TBC1D5: variants seen among roughly 807,000 people sequenced by gnomAD.
TBC1D5 encodes the protein TBC1 domain family member 5.
TBC1D5 carries 75 observed loss-of-function variants against 100.3 expected under a neutral mutation model. The ratio of observed to expected loss-of-function variants is 0.75; its 90% CI spans 0.62 to 0.91. The LOEUF (loss-of-function observed/expected upper bound fraction) is 0.91, where lower values mean the gene tolerates loss of function less well. Among genes scored for constraint, TBC1D5 ranks in the 40% least tolerant of loss-of-function variants. TBC1D5 has a pLI of 0.00. For synonymous variants in TBC1D5, 323 were observed against 325.6 expected (o/e 0.99, Z 0.09); for missense variants, 910 against 942.4 (o/e 0.97, Z 0.45).
chr3:17,159,354 A>C (rs909922060), exon 22 of TBC1D5: 5 of 152,186 alleles, frequency 3.3e-5, no homozygotes, highest in African/African-American at 1.2e-4. Context: ...TTGTCTATAG[A>C]GATATATAAG....
intron 1 of TBC1D5, among the ~76,000 whole-genome samples, chr3:17,708,367 G>C (rs2074384227): frequency 6.6e-6 from 1 of 152,102 alleles, no homozygotes; most frequent in Admixed American, 6.5e-5. Context: ...CCATTCCCCT[G>C]CTGATGGACA....
intron 15 of TBC1D5, among the ~76,000 whole-genome samples, chr3:17,277,983 G>T (rs2149824162): frequency 6.6e-6 from 1 of 152,242 alleles, no homozygotes; most frequent in East Asian, 1.9e-4. Context: ...TGTTTAAAAT[G>T]ACTTATTTTT....
chr3:17,705,714 A>G (rs1447562930), intron 1 of TBC1D5, among the ~76,000 whole-genome samples: 1 of 129,560 alleles, frequency 7.7e-6, no homozygotes, highest in Non-Finnish European at 1.6e-5. Flanking sequence ...GGCGCTCCTC[A>G]CTTCCTAGAT....
chr3:17,569,276 A>C (rs2153501232), intron 2 of TBC1D5, among the ~76,000 whole-genome samples: 1 of 151,930 alleles, frequency 6.6e-6, no homozygotes, highest in South Asian at 2.1e-4. Flanking sequence ...TCTAATATTA[A>C]ATCAGTCGAC....
At chr3:17,442,034 G>A (rs1007721132) in intron 3 of TBC1D5, among the ~76,000 whole-genome samples, 1 of 152,156 alleles carries the variant, frequency 6.6e-6, no homozygotes, top group Non-Finnish European at 1.5e-5. Context: ...GTAAATAACA[G>A]GAGGCATATT....
intron 3 of TBC1D5, among the ~76,000 whole-genome samples, chr3:17,462,321 A>ATTTTTTT (rs1188024653): frequency 7.0e-6 from 1 of 143,036 alleles, no homozygotes; most frequent in African/African-American, 2.8e-5. Context: ...TTCGGACCTT[A>ATTTTTTT]ATTTTTTTTT....
At position 17,341,481 on chromosome 3, in the gene TBC1D5, G is replaced by A. The variant is rs144549015; in HGVS notation, c.995+30594C>T. Among the ~76,000 whole-genome samples, 120 of 152,180 alleles carry A rather than the reference G, an allele frequency of 7.9e-4. 2 individuals are homozygous for A. The East Asian group carries it at 0.012, about 15-fold the overall frequency. ...AAAGTCCTGGGATTACAGGCGTGAG[G>A]TACCGCGCCTGGCCTAAAATCTGAA... On this transcript the variant is annotated intron_variant, in intron 13 of 21. Transcript: ENST00000253692.
At chr3:17,279,514 C>T (rs940267481) in intron 15 of TBC1D5, among the ~76,000 whole-genome samples, 27 of 152,150 alleles carry the variant, frequency 1.8e-4, no homozygotes, top group African/African-American at 6.5e-4. Context: ...ACTTAGTAAG[C>T]TTTACTCCTT....
At chr3:17,273,484 C>A (rs1201071989) in intron 15 of TBC1D5, among the ~76,000 whole-genome samples, 1 of 152,136 alleles carries the variant, frequency 6.6e-6, no homozygotes, top group Non-Finnish European at 1.5e-5. Flanking sequence ...ACCTGGATAT[C>A]CCATAACCTC....
chr3:17,720,631 G>A (rs2075620704), intron 1 of TBC1D5, among the ~76,000 whole-genome samples: 1 of 151,998 alleles, frequency 6.6e-6, no homozygotes, highest in Non-Finnish European at 1.5e-5. Context: ...AACATAGGGA[G>A]ACCCTGCCTC....
At chr3:17,372,290 T>C (rs1171284844) in intron 12 of TBC1D5, 43 bp from the exon 13 acceptor site, 15 of 1,495,396 alleles carry the variant, frequency 1.0e-5, no homozygotes, top group East Asian at 2.5e-5. Context: ...AAATATGAAA[T>C]TAATAAATAT....
intron 1 of TBC1D5, among the ~76,000 whole-genome samples, chr3:17,647,251 T>A (rs889632332): frequency 6.6e-6 from 1 of 152,110 alleles, no homozygotes; most frequent in African/African-American, 2.4e-5. Context: ...AGAAGCTAGA[T>A]AAACCACAGA....
intron 4 of TBC1D5, among the ~76,000 whole-genome samples, chr3:17,426,909 C>T (rs1209939027): frequency 2.0e-5 from 3 of 151,834 alleles, no homozygotes; most frequent in East Asian, 3.8e-4. Flanking sequence ...TATGTTTAAT[C>T]GTGTTTATAC....
At chr3:17,204,826 CTG>C (rs2125862178) in intron 18 of TBC1D5, among the ~76,000 whole-genome samples, 1 of 152,172 alleles carries the variant, frequency 6.6e-6, no homozygotes, top group East Asian at 1.9e-4. Flanking sequence ...CATGCTAAAA[CTG>C]TTGAAAATAG....
chr3:17,618,862 G>T (rs1440699916), intron 2 of TBC1D5, among the ~76,000 whole-genome samples: 1 of 152,196 alleles, frequency 6.6e-6, no homozygotes, highest in African/African-American at 2.4e-5. Context: ...CTTTCCAGTT[G>T]AGGTGATGCC....
chr3:17,578,199 TG>T (rs1435086765), intron 2 of TBC1D5, among the ~76,000 whole-genome samples: 2 of 152,104 alleles, frequency 1.3e-5, no homozygotes, highest in African/African-American at 4.8e-5. Context: ...AGTACCGTTT[TG>T]TATCCCGACT....
chr3:17,695,795 A>G (rs1385859424), intron 1 of TBC1D5, among the ~76,000 whole-genome samples: 5 of 152,232 alleles, frequency 3.3e-5, no homozygotes, highest in Non-Finnish European at 5.9e-5. Context: ...CAGAACATAC[A>G]TTCTTCTCAG....
At chr3:17,265,801 C>T (rs2078785379) in intron 15 of TBC1D5, among the ~76,000 whole-genome samples, 1 of 151,994 alleles carries the variant, frequency 6.6e-6, no homozygotes, top group Non-Finnish European at 1.5e-5. Context: ...CAAAAACTCT[C>T]CCTAAAATAA....
chr3:17,474,769 C>T (rs2095418651), intron 3 of TBC1D5, among the ~76,000 whole-genome samples: 1 of 152,048 alleles, frequency 6.6e-6, no homozygotes, highest in African/African-American at 2.4e-5. Context: ...AACTGAATGT[C>T]AATGGGCAAG....
Sources: gnomAD v4.1 joint callset for allele counts (sites outside exome capture counted in the v4.1 genomes callset) on GRCh38, gnomAD v4.1.1 for gene constraint, MANE v1.5 for transcripts, NCBI Gene and HGNC (gene_info 2026-07-23, HGNC 2026-07-21) for gene names.